NEIL2: variants seen among roughly 807,000 people sequenced by gnomAD.
The protein encoded by NEIL2 is nei like DNA glycosylase 2, also known as endonuclease 8-like 2.
NEIL2 carries 23 observed loss-of-function variants against 22.2 expected under a neutral mutation model. The ratio of observed to expected loss-of-function variants is 1.04; its 90% CI spans 0.75 to 1.47. NEIL2 has a LOEUF of 1.47. Ranked by LOEUF, NEIL2 falls within the 40% of genes most tolerant of loss-of-function variation. The pLI, the probability that NEIL2 is intolerant of heterozygous loss-of-function variation, is 0.00. For synonymous variants in NEIL2, 229 were observed against 164.8 expected, an observed-to-expected ratio of 1.39 and a Z score of -2.99; for missense variants, 583 against 404.7, an observed-to-expected ratio of 1.44 and a Z score of -3.78.
At chr8:11,772,031 C>T (rs942951979) in intron 2 of NEIL2, among the ~76,000 whole-genome samples, 3 of 152,046 alleles carry the variant, frequency 2.0e-5, no homozygotes, top group South Asian at 2.1e-4. Context: ...GATGAAACCC[C>T]GTCTCTACTA....
At chr8:11,779,560 G>C (rs1194457794) in intron 2 of NEIL2, 38 bp from the exon 3 acceptor site, 8 of 1,468,314 alleles carry the variant, frequency 5.4e-6, no homozygotes, top group African/African-American at 1.4e-5. Context: ...TCCCCTCTCT[G>C]GGTCTGTAAG....
intron 2 of NEIL2, among the ~76,000 whole-genome samples, chr8:11,775,872 G>A (rs960362302): frequency 6.6e-6 from 1 of 152,178 alleles, no homozygotes; most frequent in African/African-American, 2.4e-5. Flanking sequence ...ATCACTATCA[G>A]CATTTTGATC....
At chr8:11,776,882 T>A (rs1374530497) in intron 2 of NEIL2, among the ~76,000 whole-genome samples, 1 of 152,198 alleles carries the variant, frequency 6.6e-6, no homozygotes, top group Non-Finnish European at 1.5e-5. Flanking sequence ...CTGCTCCTCC[T>A]CTTGGTCCTG....
intron 1 of NEIL2, 123 bp from the exon 2 acceptor site, chr8:11,771,323 A>G (rs1376045653): frequency 1.6e-6 from 2 of 1,253,488 alleles, no homozygotes; most frequent in Non-Finnish European, 2.3e-6. Flanking sequence ...CTTTTTGGCC[A>G]TGCTTGCTCT....
chr8:11,774,962 T>C (rs1243519435), intron 2 of NEIL2, among the ~76,000 whole-genome samples: 1 of 152,244 alleles, frequency 6.6e-6, no homozygotes, highest in African/African-American at 2.4e-5. Flanking sequence ...CTGGCTGCTT[T>C]CACAGGCTGG....
chr8:11,782,925 G>A, intron 3 of NEIL2: 1 of 506,164 alleles, frequency 2.0e-6, no homozygotes, highest in East Asian at 4.0e-5. Context: ...ATGTGTGTAT[G>A]TGTGTATGAT....
chr8:11,781,518 C>G (rs1296861518), intron 3 of NEIL2, among the ~76,000 whole-genome samples: 7 of 152,210 alleles, frequency 4.6e-5, no homozygotes, highest in Non-Finnish European at 1.0e-4. Flanking sequence ...GGAGCCTGCC[C>G]TTTGCTGAGT....
At chr8:11,780,891 T>C (rs888551879) in intron 3 of NEIL2, among the ~76,000 whole-genome samples, 2 of 152,224 alleles carry the variant, frequency 1.3e-5, no homozygotes, top group Non-Finnish European at 2.9e-5. Flanking sequence ...GTACTTCTTA[T>C]CAATGTAATG....
At position 11,786,579 on chromosome 8, in the gene NEIL2, G is replaced by C; in HGVS notation, c.*306G>C. On this transcript the variant is annotated 3_prime_UTR_variant, in exon 5 of 5. Transcript: ENST00000284503. ...AGGCAATGGGGCAAGGAAAAAGAAAGCCTATGGGAAATGGCTGTGCTCCCA... is the reference window on the plus strand; with the variant it reads ...AGGCAATGGGGCAAGGAAAAAGAAACCCTATGGGAAATGGCTGTGCTCCCA... The C allele has an allele frequency of 2.3e-6, 1 of 430,666 alleles. No homozygotes were observed. Among genetic ancestry groups the C allele is most frequent in the Non-Finnish European group, 4.3e-6 (1 of 232,550 alleles). The allele number at this position is 430,666 out of a possible 1,614,324, so 26.7% of individuals were successfully genotyped here. A position where few individuals can be genotyped will look rare whatever the true frequency, so the allele number is the denominator to read the frequency against.
intron 2 of NEIL2, among the ~76,000 whole-genome samples, chr8:11,775,675 T>G (rs1803849652): frequency 6.6e-6 from 1 of 152,222 alleles, no homozygotes; most frequent in South Asian, 2.1e-4. Flanking sequence ...TTGAATGCTT[T>G]GCCACTTAGA....
At chr8:11,777,292 C>G (rs976284000) in intron 2 of NEIL2, among the ~76,000 whole-genome samples, 3 of 152,048 alleles carry the variant, frequency 2.0e-5, no homozygotes, top group African/African-American at 7.2e-5. Flanking sequence ...TGTGCCTGGC[C>G]TAGCCACACT....
chr8:11,774,427 C>T (rs887130876), intron 2 of NEIL2, among the ~76,000 whole-genome samples: 10 of 152,114 alleles, frequency 6.6e-5, no homozygotes, highest in South Asian at 2.1e-4. Flanking sequence ...TTTACTATCA[C>T]GAGAACAGCC....
Position 11,779,583 on chromosome 8 carries a change from G to A in NEIL2, c.139-15G>A, listed in dbSNP as rs1299474735. The A allele has an allele frequency of 1.9e-6, 3 of 1,587,636 alleles. No homozygotes were observed. ...CTGGGTCTGTAAGGCTTGGATCTCT[G>A]TTCATTTTTTCTAGGTCCATGGAAA... On this transcript the variant is annotated splice_polypyrimidine_tract_variant and intron_variant, in intron 2 of 4. Transcript: ENST00000284503.
chr8:11,778,060 T>C (rs4840581), intron 2 of NEIL2, among the ~76,000 whole-genome samples: 75,866 of 152,088 alleles, frequency 0.5, 20,123 homozygotes, highest in Middle Eastern at 0.65. Context: ...AATTAATGAT[T>C]AGTGAATTGA....
In NEIL2 at chr8:11,786,011, T is replaced by C. The variant is rs777038352; in HGVS notation, c.737T>C (p.Leu246Pro). The C allele has an allele frequency of 9.9e-6, 16 of 1,614,174 alleles. No individual in the cohort carries two copies. The highest frequency in any genetic ancestry group is 1.3e-5 in the Non-Finnish European group (15 of 1,180,024). ...EALYRAGIHP[L>P]SLGSVLSASR... Reference sequence around the variant, plus strand: ...TTGTACAGAGCTGGGATCCATCCCCTTTCTCTCGGTTCAGTCCTGAGTGCC... The same window carrying C: ...TTGTACAGAGCTGGGATCCATCCCCCTTCTCTCGGTTCAGTCCTGAGTGCC... Residue 246 changes from leucine to proline, a missense_variant, in exon 5 of 5, where the codon CTT (leucine) becomes CCT (proline). Physicochemically the swap from Leu to Pro is moderately conservative, Grantham distance 98 (BLOSUM62 -3). Coordinates refer to ENST00000284503, the MANE Select transcript of NEIL2 (RefSeq NM_145043.4).
chr8:11,783,037 A>G, intron 3 of NEIL2, 166 bp from the exon 4 acceptor site: 2 of 699,882 alleles, frequency 2.9e-6, no homozygotes, highest in Non-Finnish European at 5.3e-6. Context: ...ATACTGTGGT[A>G]ACGATGTGGG....
chr8:11,775,438 C>T (rs1803829953), intron 2 of NEIL2, among the ~76,000 whole-genome samples: 1 of 152,178 alleles, frequency 6.6e-6, no homozygotes, highest in Non-Finnish European at 1.5e-5. Flanking sequence ...CCCAGGAAAC[C>T]ATTTTTTCCT....
chr8:11,770,470 T>C (rs1341575521), intron 1 of NEIL2, 135 bp downstream of exon 1: 2 of 152,196 alleles, frequency 1.3e-5, no homozygotes, highest in Non-Finnish European at 2.9e-5. Flanking sequence ...ATGCGCGTTA[T>C]TGAATGTGCT....
rs181483220 is a variant in NEIL2, at chr8:11,782,682, T to C, written c.492-521T>C. 320 of 197,244 alleles carry C rather than the reference T, an allele frequency of 1.6e-3. 1 individual carries two copies. The highest frequency in any genetic ancestry group is 2.0e-3 in the Non-Finnish European group (189 of 93,496). 12.2% of individuals were successfully genotyped at this position (197,244 alleles called of 1,614,324 possible). On this transcript the variant is annotated intron_variant, in intron 3 of 4. Transcript: ENST00000284503. ...AGTGTGCATTGATTTTGTACCATTATAAAATCAAAAATTAAAAGTGAACCA... is the reference window on the plus strand; with the variant it reads ...AGTGTGCATTGATTTTGTACCATTACAAAATCAAAAATTAAAAGTGAACCA...
Sources: gnomAD v4.1 joint callset for allele counts (sites outside exome capture counted in the v4.1 genomes callset) on GRCh38, gnomAD v4.1.1 for gene constraint, MANE v1.5 for transcripts, NCBI Gene and HGNC (gene_info 2026-07-23, HGNC 2026-07-21) for gene names.